CORO2A: variants seen among roughly 807,000 people sequenced by gnomAD.
The protein encoded by CORO2A is coronin 2A, also known as coronin-2A.
CORO2A carries 47 observed loss-of-function variants against 62.4 expected under a neutral mutation model. That is an observed-to-expected ratio of 0.75 (90% CI 0.60 to 0.96). The LOEUF (loss-of-function observed/expected upper bound fraction) is 0.96. Ranked by LOEUF, CORO2A falls within the 40% of genes least tolerant of loss-of-function variation. The probability of loss-of-function intolerance (pLI) is 0.00; values close to 1 mark genes in which losing one functional copy is unlikely to be tolerated. For synonymous variants in CORO2A, 273 were observed against 268.9 expected (o/e 1.02, Z -0.15); for missense variants, 610 against 684.1 (o/e 0.89, Z 1.21).
chr9:98,127,067 C>A, intron 10 of CORO2A: 2 of 568,136 alleles, frequency 3.5e-6, no homozygotes, highest in Non-Finnish European at 6.3e-6. Context: ...GGTGCGTGCA[C>A]TGAAGCAGCC....
At chr9:98,125,604 C>A (rs1237242565) in intron 11 of CORO2A, among the ~76,000 whole-genome samples, 6 of 151,168 alleles carry the variant, frequency 4.0e-5, no homozygotes, top group Non-Finnish European at 8.8e-5. Flanking sequence ...AGGCACTAAA[C>A]AAATGTGGAC....
intron 2 of CORO2A, among the ~76,000 whole-genome samples, chr9:98,139,640 T>C (rs1433554088): frequency 6.6e-6 from 1 of 151,030 alleles, no homozygotes; most frequent in Non-Finnish European, 1.5e-5. Context: ...AATAAATAAA[T>C]AAATAAATAG....
At chr9:98,177,910 C>T (rs573052127) in intron 1 of CORO2A, among the ~76,000 whole-genome samples, 1 of 152,264 alleles carries the variant, frequency 6.6e-6, no homozygotes, top group Admixed American at 6.5e-5. Flanking sequence ...AACAAACAAA[C>T]AAACTTGAGC....
intron 2 of CORO2A, among the ~76,000 whole-genome samples, chr9:98,138,304 A>G (rs1827516542): frequency 6.6e-6 from 1 of 151,780 alleles, no homozygotes; most frequent in Admixed American, 6.6e-5. Flanking sequence ...AATCCCAGCT[A>G]CTCAGGAGGC....
intron 8 of CORO2A, 46 bp from the exon 9 acceptor site, chr9:98,128,765 C>A: frequency 6.5e-7 from 1 of 1,548,440 alleles, no homozygotes; most frequent in Non-Finnish European, 8.9e-7. Flanking sequence ...TAGGCTGGGG[C>A]CACAGTGTTA....
intron 2 of CORO2A, among the ~76,000 whole-genome samples, chr9:98,156,083 C>T (rs1318189270): frequency 7.7e-6 from 1 of 130,662 alleles, no homozygotes; most frequent in Non-Finnish European, 1.6e-5. Flanking sequence ...CAGGGTCTCA[C>T]TCTGTTGCCC....
chr9:98,157,431 G>T (rs1482375179), intron 2 of CORO2A, 29 bp downstream of exon 2: 2 of 1,609,662 alleles, frequency 1.2e-6, no homozygotes, highest in South Asian at 1.1e-5. Flanking sequence ...TGCCTCCAGA[G>T]AGCTGTTTGG....
chr9:98,151,964 A>C (rs4742718), intron 2 of CORO2A, among the ~76,000 whole-genome samples: 4 of 150,752 alleles, frequency 2.7e-5, no homozygotes, highest in Non-Finnish European at 4.4e-5. Context: ...CCACAGGCGC[A>C]CGCCACCATG....
At chr9:98,177,949 T>A (rs1023175624) in intron 1 of CORO2A, among the ~76,000 whole-genome samples, 1 of 152,234 alleles carries the variant, frequency 6.6e-6, no homozygotes, top group Non-Finnish European at 1.5e-5. Context: ...TATTAGCTTG[T>A]CACTGTTTTT....
intron 1 of CORO2A, among the ~76,000 whole-genome samples, chr9:98,175,213 T>C (rs1313205851): frequency 6.6e-6 from 1 of 152,176 alleles, no homozygotes; most frequent in African/African-American, 2.4e-5. Flanking sequence ...GGGCCATCTC[T>C]GCCAGGGCCC....
chr9:98,165,505 C>A (rs941515005), intron 1 of CORO2A, among the ~76,000 whole-genome samples: 1 of 152,184 alleles, frequency 6.6e-6, no homozygotes. Context: ...GAGCAGGGCT[C>A]GGAGGGGTCA....
chr9:98,170,743 G>A (rs1022140067), intron 1 of CORO2A, among the ~76,000 whole-genome samples: 41 of 152,066 alleles, frequency 2.7e-4, no homozygotes, highest in African/African-American at 8.2e-4. Flanking sequence ...GAGCCTGGCC[G>A]AGAATCCTAA....
chr9:98,174,820 A>G (rs912045248), intron 1 of CORO2A, among the ~76,000 whole-genome samples: 1 of 152,156 alleles, frequency 6.6e-6, no homozygotes, highest in African/African-American at 2.4e-5. Context: ...TTTCCTTTAT[A>G]AATTACCCAG....
chr9:98,138,841 G>A (rs1019762250), intron 2 of CORO2A, among the ~76,000 whole-genome samples: 12 of 152,052 alleles, frequency 7.9e-5, no homozygotes, highest in Middle Eastern at 3.2e-3. Context: ...GAGGTCAGGA[G>A]ATCGAGACCA....
chr9:98,191,107 G>A (rs1315124319), intron 1 of CORO2A, among the ~76,000 whole-genome samples: 2 of 152,238 alleles, frequency 1.3e-5, no homozygotes, highest in Non-Finnish European at 2.9e-5. Flanking sequence ...TCATGAAGGG[G>A]ACAAGAAAGA....
intron 2 of CORO2A, among the ~76,000 whole-genome samples, chr9:98,152,033 T>C (rs1190812907): frequency 6.6e-6 from 1 of 151,770 alleles, no homozygotes; most frequent in Non-Finnish European, 1.5e-5. Flanking sequence ...GCCAGGCTGC[T>C]CTCAAACTCC....
At chr9:98,138,892 A>C (rs1827528375) in intron 2 of CORO2A, among the ~76,000 whole-genome samples, 1 of 151,772 alleles carries the variant, frequency 6.6e-6, no homozygotes, top group African/African-American at 2.4e-5. Flanking sequence ...ACTAAAATAC[A>C]AAAAATTAGC....
At chr9:98,155,546 C>G (rs997497333) in intron 2 of CORO2A, among the ~76,000 whole-genome samples, 2 of 151,962 alleles carry the variant, frequency 1.3e-5, no homozygotes. Context: ...GGGGTTTCAC[C>G]ATGTTGGTTA....
chr9:98,125,097 A>G (rs1006631352), intron 11 of CORO2A, among the ~76,000 whole-genome samples, 192 bp from the exon 12 acceptor site: 12 of 152,228 alleles, frequency 7.9e-5, no homozygotes, highest in Non-Finnish European at 1.3e-4. Context: ...AAATTCAAGA[A>G]GACTGGAATG....
Sources: allele counts gnomAD v4.1 joint callset (sites outside exome capture counted in the v4.1 genomes callset), GRCh38; gene constraint gnomAD v4.1.1; transcripts MANE v1.5; gene names NCBI Gene and HGNC (gene_info 2026-07-23, HGNC 2026-07-21).